KIAA1614: variants seen among roughly 807,000 people sequenced by gnomAD.
KIAA1614 encodes uncharacterized protein KIAA1614.
KIAA1614 carries 76 observed loss-of-function variants against 88.7 expected under a neutral mutation model. The ratio of observed to expected loss-of-function variants is 0.86; its 90% CI spans 0.71 to 1.04. KIAA1614 has a LOEUF of 1.04. Ranked by LOEUF, KIAA1614 falls within the 50% of genes least tolerant of loss-of-function variation. The probability of loss-of-function intolerance (pLI) is 0.00; values close to 1 mark genes in which losing one functional copy is unlikely to be tolerated. For missense variants in KIAA1614, 1,553 were observed against 1,582.5 expected (o/e 0.98, Z 0.32); for synonymous variants, 714 against 675.5 (o/e 1.06, Z -0.88).
chr1:180,945,896 G>A lies in KIAA1614; in HGVS notation c.*308G>A. 2 of 834,478 alleles carry A rather than the reference G, an allele frequency of 2.4e-6. No individual in the cohort carries two copies. Among genetic ancestry groups the A allele is most frequent in the Non-Finnish European group, 3.0e-6 (2 of 659,194 alleles). 51.7% of individuals were successfully genotyped at this position (834,478 alleles called of 1,614,324 possible). On this transcript the variant is annotated 3_prime_UTR_variant, in exon 9 of 9. Coordinates refer to ENST00000367588, the MANE Select transcript of KIAA1614 (RefSeq NM_020950.2). Reference sequence around the variant, plus strand: ...GAGGCGCCTGGATCACCTGAGGTCAGGAGTTCGAGACCAGTCTGGCCCACA... The same window carrying A: ...GAGGCGCCTGGATCACCTGAGGTCAAGAGTTCGAGACCAGTCTGGCCCACA...
At chr1:180,925,192 T>G (rs1654041479) in intron 3 of KIAA1614, among the ~76,000 whole-genome samples, 1 of 152,164 alleles carries the variant, frequency 6.6e-6, no homozygotes, top group Non-Finnish European at 1.5e-5. Flanking sequence ...CAAGCAAGCA[T>G]GACAGTCTGA....
In KIAA1614 at chr1:180,945,296, C is replaced by T. The variant is rs776956519; in HGVS notation, c.3288-7C>T. The T allele has an allele frequency of 1.9e-6, 3 of 1,578,648 alleles. No individual in the cohort carries two copies. Among genetic ancestry groups the T allele is most frequent in the Non-Finnish European group, 2.6e-6 (3 of 1,170,548 alleles). ...TTGCCCTCACTGTGTCTCTGGTTCC[C>T]TCGCAGGCCGGCCAAGACTTCACCA... On this transcript the variant is annotated splice_polypyrimidine_tract_variant and splice_region_variant and intron_variant, in intron 8 of 8. Transcript: ENST00000367588.
Position 180,935,277 on chromosome 1 carries a change from C to G in KIAA1614, c.1368C>G (p.Ser456=), listed in dbSNP as rs1387260844. The part of the protein sequence containing the change: ...SPSHVRFEDE[S]AREAEFRHLE... ...CGCACGTGCGCTTTGAGGATGAGTC[C>G]GCCCGCGAAGCCGAGTTCCGTCACC... Residue 456 remains serine (S), a synonymous_variant, in exon 5 of 9, where the codon TCC becomes TCG. Coordinates refer to ENST00000367588, the MANE Select transcript of KIAA1614 (RefSeq NM_020950.2). The surrounding 1 kb of genome is among the most constrained non-coding windows in gnomAD (Gnocchi z 6.1). 1 of 1,507,962 alleles carries G rather than the reference C, an allele frequency of 6.6e-7. No individual in the cohort carries two copies. Among genetic ancestry groups the G allele is most frequent in the Non-Finnish European group, 8.8e-7 (1 of 1,131,994 alleles). The allele number at this position is 1,507,962 out of a possible 1,614,324, so 93.4% of individuals were successfully genotyped here.
At chr1:180,939,926 G>A (rs904146566) in intron 6 of KIAA1614, among the ~76,000 whole-genome samples, 7 of 152,118 alleles carry the variant, frequency 4.6e-5, no homozygotes, top group African/African-American at 1.2e-4. Context: ...CCAAGGCTGT[G>A]GCACCAGCTG....
At chr1:180,927,949 A>G (rs944609834) in intron 3 of KIAA1614, among the ~76,000 whole-genome samples, 3 of 152,180 alleles carry the variant, frequency 2.0e-5, no homozygotes, top group African/African-American at 4.8e-5. Context: ...TTGCATCTGC[A>G]GTGGGTACTA....
intron 4 of KIAA1614, among the ~76,000 whole-genome samples, chr1:180,929,335 C>A (rs1013309636): frequency 2.0e-5 from 3 of 152,074 alleles, no homozygotes; most frequent in Admixed American, 1.3e-4. Context: ...GGAATGAGCC[C>A]AGGGTTCTGA....
At chr1:180,938,919 C>T (rs1166195239) in intron 6 of KIAA1614, among the ~76,000 whole-genome samples, 1 of 152,220 alleles carries the variant, frequency 6.6e-6, no homozygotes, top group African/African-American at 2.4e-5. Context: ...ATTCATGGAG[C>T]ATCCATTGAA....
intron 3 of KIAA1614, among the ~76,000 whole-genome samples, chr1:180,924,117 C>G (rs756351143): frequency 6.6e-6 from 1 of 152,236 alleles, no homozygotes; most frequent in Non-Finnish European, 1.5e-5. Flanking sequence ...CATGCTGCGT[C>G]ATTGCCATGC....
intron 4 of KIAA1614, 134 bp downstream of exon 4, chr1:180,928,707 A>C: frequency 9.8e-7 from 1 of 1,019,670 alleles, no homozygotes; most frequent in Non-Finnish European, 1.4e-6. Context: ...TTTTCCATAT[A>C]AGGCTCTTGC....
intron 4 of KIAA1614, among the ~76,000 whole-genome samples, chr1:180,932,716 GT>G (rs1304040050): frequency 6.6e-6 from 1 of 152,002 alleles, no homozygotes; most frequent in Non-Finnish European, 1.5e-5. Flanking sequence ...GTTTTTTTTG[GT>G]TTTGTTTTTG....
At position 180,936,456 on chromosome 1, in the gene KIAA1614, C is replaced by T. The variant is rs762428414; in HGVS notation, c.2547C>T (p.Ser849=). ...GTATCCCTCGGCCTCCTTCAAGAAGCGCGGTTCTCAGGACCTGTGAGCTGC... is the reference window on the plus strand; with the variant it reads ...GTATCCCTCGGCCTCCTTCAAGAAGTGCGGTTCTCAGGACCTGTGAGCTGC... ...PVGIPRPPSR[S]AVLRTCELPP... The change falls in exon 5 of 9, where the codon AGC becomes AGT. Residue 849 remains serine (S), a synonymous_variant. Coordinates refer to ENST00000367588, the MANE Select transcript of KIAA1614 (RefSeq NM_020950.2). 1.5e-5 allele frequency: 25 copies of T among 1,613,906 alleles called. No homozygotes were observed. Among genetic ancestry groups the T allele is most frequent in the Middle Eastern group, 1.6e-4 (1 of 6,084 alleles).
rs559560066 is a variant in KIAA1614 at position 180,916,739 on chromosome 1, G to A, written c.636G>A (p.Pro212=). Residue 212 remains proline, a synonymous_variant, in exon 2 of 9, where the codon CCG becomes CCA. Transcript: ENST00000367588. ...LLGPSSLQQS[P]IHGVTPGRPG... Reference sequence around the variant, plus strand: ...GGCCCAGCTCTTTGCAACAGAGCCCGATCCATGGAGTTACTCCCGGACGGC... The same window carrying A: ...GGCCCAGCTCTTTGCAACAGAGCCCAATCCATGGAGTTACTCCCGGACGGC... 5.6e-6 allele frequency: 9 copies of A among 1,614,034 alleles called. No individual in the cohort carries two copies. The highest frequency in any genetic ancestry group is 2.2e-5 in the East Asian group (1 of 44,902).
At chr1:180,934,859 C>T (rs1654279374) in intron 4 of KIAA1614, among the ~76,000 whole-genome samples, 1 of 152,200 alleles carries the variant, frequency 6.6e-6, no homozygotes. Flanking sequence ...CTGAGCCATG[C>T]AAGAGAGGGA....
intron 7 of KIAA1614, among the ~76,000 whole-genome samples, chr1:180,942,328 G>A (rs145309228): frequency 1.4e-3 from 216 of 152,330 alleles, no homozygotes; most frequent in Non-Finnish European, 2.7e-3. Flanking sequence ...TCTGCAACCA[G>A]GAGCAGCACC....
chr1:180,938,659 G>A lies in KIAA1614; in HGVS notation c.2866G>A (p.Glu956Lys), dbSNP rs1654385559. Residue 956 changes from glutamate to lysine, a missense_variant, in exon 6 of 9, where the codon GAG (glutamate) becomes AAG (lysine). Physicochemically the swap from Glu to Lys is moderately conservative, Grantham distance 56. Transcript: ENST00000367588. The part of the protein sequence containing the change: ...SEESESSKES[E>K]GSLQRTGSGS... Reference sequence around the variant, plus strand: ...GGAGTCAGAGTCCAGCAAGGAATCAGAGGGAAGCCTGCAGAGGACAGGGTC... The same window carrying A: ...GGAGTCAGAGTCCAGCAAGGAATCAAAGGGAAGCCTGCAGAGGACAGGGTC... 3 of 1,614,216 alleles carry A rather than the reference G, an allele frequency of 1.9e-6. No individual in the cohort carries two copies. The highest frequency in any genetic ancestry group is 1.1e-5 in the South Asian group (1 of 91,078).
At chr1:180,923,698 C>T (rs1263823468) in intron 3 of KIAA1614, among the ~76,000 whole-genome samples, 1 of 152,060 alleles carries the variant, frequency 6.6e-6, no homozygotes, top group Non-Finnish European at 1.5e-5. Flanking sequence ...GGCAGAGGCA[C>T]GTCGTAAAGA....
At chr1:180,917,939 C>A (rs1394895773) in intron 3 of KIAA1614, 25 bp downstream of exon 3, 1 of 1,594,520 alleles carries the variant, frequency 6.3e-7, no homozygotes, top group Non-Finnish European at 8.6e-7. Context: ...CCCACATTTT[C>A]TCTCCCTCCC....
At chr1:180,939,022 G>A (rs920180107) in intron 6 of KIAA1614, among the ~76,000 whole-genome samples, 9 of 152,232 alleles carry the variant, frequency 5.9e-5, no homozygotes, top group African/African-American at 2.2e-4. Flanking sequence ...TTACCTGTCT[G>A]AGAGGCTTCC....
In KIAA1614 at chr1:180,947,176, CCTGTGAGAA is replaced by C. The variant is rs1202237314; in HGVS notation, c.*1596_*1604del. ...AGCCCTGGTGGAGGGGCGAGCCTGG[CCTGTGAGAA>C]CTGTGAGGGTCAGGCTGGACACTGC... On this transcript the variant is annotated 3_prime_UTR_variant, in exon 9 of 9. Transcript: ENST00000367588. 2 of 152,280 alleles carry C rather than the reference CCTGTGAGAA, an allele frequency of 1.3e-5. No individual in the cohort carries two copies. The highest frequency in any genetic ancestry group is 2.4e-5 in the African/African-American group (1 of 41,448). 9.4% of individuals were successfully genotyped at this position (152,280 alleles called of 1,614,324 possible).
Sources: gnomAD v4.1 joint callset for allele counts (sites outside exome capture counted in the v4.1 genomes callset) on GRCh38, gnomAD v4.1.1 for gene constraint, Gnocchi (gnomAD v3.1) non-coding constraint, MANE v1.5 for transcripts, NCBI Gene and HGNC (gene_info 2026-07-23, HGNC 2026-07-21) for gene names.